The following STARD13 variants were observed in gnomAD, a reference collection of about 807,000 sequenced individuals.
STARD13 encodes the protein stAR-related lipid transfer protein 13.
A neutral mutation model predicts 106.4 loss-of-function variants in STARD13; 62 were observed. The observed-to-expected ratio is 0.58, with a 90% confidence interval of 0.48 to 0.72. The LOEUF (loss-of-function observed/expected upper bound fraction) is 0.72, where lower values mean the gene tolerates loss of function less well. STARD13 is among the 30% of genes least tolerant of loss of function. The pLI, the probability that STARD13 is intolerant of heterozygous loss-of-function variation, is 0.00. For synonymous variants in STARD13, 565 were observed against 553.0 expected (o/e 1.02, Z -0.31); for missense variants, 1,387 against 1,424.0 (o/e 0.97, Z 0.42).
At chr13:33,658,966 T>G in the STARD13 span, among the ~76,000 whole-genome samples, 9 of 152,228 alleles carry the variant, frequency 5.9e-5, no homozygotes, top group African/African-American at 2.2e-4. Flanking sequence ...AGCCTCCTGA[T>G]AGCTGAACAT....
the STARD13 span, among the ~76,000 whole-genome samples, chr13:33,424,490 A>G: frequency 6.6e-6 from 1 of 152,176 alleles, no homozygotes; most frequent in South Asian, 2.1e-4. Flanking sequence ...GTAGTTATGA[A>G]AAAAGGAATC....
intron 1 of STARD13, chr13:33,349,300 C>G: frequency 1.4e-6 from 1 of 697,348 alleles, no homozygotes. Context: ...TTCCCCCAGT[C>G]CCCGAAGCAT....
At chr13:33,118,713 T>A (rs1011569704) in intron 7 of STARD13, among the ~76,000 whole-genome samples, 1 of 152,168 alleles carries the variant, frequency 6.6e-6, no homozygotes, top group Admixed American at 6.5e-5. Context: ...AATGGGAGGT[T>A]TGGTGAAAAC....
chr13:33,383,647 C>T, the STARD13 span: 2 of 146,556 alleles, frequency 1.4e-5, no homozygotes, highest in African/African-American at 2.5e-5. Flanking sequence ...ATCCCAGCTA[C>T]TTGGGAGGCT....
At chr13:33,561,238 T>A in the STARD13 span, among the ~76,000 whole-genome samples, 2 of 151,340 alleles carry the variant, frequency 1.3e-5, no homozygotes, top group Non-Finnish European at 2.9e-5. Flanking sequence ...TTGATTTTGG[T>A]TAAAAAAAAA....
At chr13:33,303,149 G>A (rs538589160) in intron 1 of STARD13, among the ~76,000 whole-genome samples, 2 of 152,068 alleles carry the variant, frequency 1.3e-5, no homozygotes, top group Non-Finnish European at 2.9e-5. Flanking sequence ...TCATGTGTAC[G>A]CCACCTACTC....
chr13:33,508,917 A>C, the STARD13 span, among the ~76,000 whole-genome samples: 2 of 152,216 alleles, frequency 1.3e-5, no homozygotes, highest in African/African-American at 4.8e-5. Context: ...TAACCTGTAC[A>C]GCATGCTATT....
chr13:33,656,962 A>C, the STARD13 span: 1 of 152,198 alleles, frequency 6.6e-6, no homozygotes, highest in Admixed American at 6.5e-5. Context: ...TAGAATCACA[A>C]AGCATGTTCT....
At chr13:33,358,000 C>T in the STARD13 span, among the ~76,000 whole-genome samples, 4 of 152,058 alleles carry the variant, frequency 2.6e-5, no homozygotes, top group Admixed American at 6.6e-5. Flanking sequence ...GAGCGGGAAC[C>T]GGGGCTGCGT....
the STARD13 span, among the ~76,000 whole-genome samples, chr13:33,457,922 ATT>A: frequency 6.6e-6 from 1 of 152,222 alleles, no homozygotes; most frequent in Non-Finnish European, 1.5e-5. Context: ...AAATACAAAG[ATT>A]TTGATAACAA....
chr13:33,235,732 A>C (rs1889154755), intron 1 of STARD13, among the ~76,000 whole-genome samples: 1 of 152,226 alleles, frequency 6.6e-6, no homozygotes, highest in South Asian at 2.1e-4. Flanking sequence ...AATTGCTCCA[A>C]ATGCAAATTC....
the STARD13 span, among the ~76,000 whole-genome samples, chr13:33,424,930 C>T: frequency 4.6e-5 from 7 of 152,140 alleles, no homozygotes; most frequent in Admixed American, 4.6e-4. Context: ...TTTGCTTCCA[C>T]AATTAAAAGA....
the STARD13 span, among the ~76,000 whole-genome samples, chr13:33,565,111 T>C: frequency 6.8e-6 from 1 of 147,360 alleles, no homozygotes; most frequent in African/African-American, 2.5e-5. Context: ...CAAAATTTAG[T>C]GAAATGGGCA....
chr13:33,238,857 C>T (rs1168981629), intron 1 of STARD13, among the ~76,000 whole-genome samples: 1 of 151,882 alleles, frequency 6.6e-6, no homozygotes, highest in Non-Finnish European at 1.5e-5. Flanking sequence ...TAAAAAAACA[C>T]AACATAAAAT....
At chr13:33,407,150 T>C in the STARD13 span, among the ~76,000 whole-genome samples, 2 of 152,210 alleles carry the variant, frequency 1.3e-5, no homozygotes, top group East Asian at 3.8e-4. Context: ...AAATAATCTG[T>C]TATGCTCTGG....
intron 1 of STARD13, among the ~76,000 whole-genome samples, chr13:33,176,534 A>G (rs1486186907): frequency 6.6e-6 from 1 of 152,232 alleles, no homozygotes; most frequent in Non-Finnish European, 1.5e-5. Flanking sequence ...TGCTGAGCTT[A>G]AAAGTCTGCT....
In STARD13 at chr13:33,105,285, G is replaced by A. The variant is rs541744025; in HGVS notation, c.*308C>T. ...TACATTTATTTACAGTTAGGTATAC[G>A]CTTCTTAGAAGCCTTTAAATAGCAA... On this transcript the variant is annotated 3_prime_UTR_variant, in exon 14 of 14. Coordinates refer to ENST00000336934, the MANE Select transcript of STARD13 (RefSeq NM_178006.4). The A allele has an allele frequency of 6.1e-5, 18 of 296,652 alleles. No individual in the cohort carries two copies. Among genetic ancestry groups the A allele is most frequent in the East Asian group, 1.8e-4 (3 of 16,462 alleles). The allele number at this position is 296,652 out of a possible 1,614,324, so 18.4% of individuals were successfully genotyped here.
chr13:33,504,127 A>G, the STARD13 span, among the ~76,000 whole-genome samples: 1 of 152,306 alleles, frequency 6.6e-6, no homozygotes, highest in Non-Finnish European at 1.5e-5. Context: ...GCGGATGTGG[A>G]GAAATAGGAA....
intron 1 of STARD13, among the ~76,000 whole-genome samples, chr13:33,222,502 G>C (rs1888410680): frequency 6.6e-6 from 1 of 152,186 alleles, no homozygotes; most frequent in Admixed American, 6.5e-5. Flanking sequence ...ATAATTTCAA[G>C]ACAGCAACAG....
Sources: allele counts gnomAD v4.1 joint callset (sites outside exome capture counted in the v4.1 genomes callset), GRCh38; gene constraint gnomAD v4.1.1; transcripts MANE v1.5; gene names NCBI Gene and HGNC (gene_info 2026-07-23, HGNC 2026-07-21).